Variants in BBS1 observed in about 807,000 individuals in gnomAD.
BBS1 encodes the protein BBSome complex member BBS1.
In BBS1, 60 loss-of-function variants were observed where a neutral mutation model predicts 73.9. The ratio of observed to expected loss-of-function variants is 0.81; its 90% CI spans 0.66 to 1.01. The LOEUF is 1.01. Ranked by LOEUF, BBS1 falls within the 50% of genes least tolerant of loss-of-function variation. The probability of loss-of-function intolerance (pLI) is 0.00; values close to 1 mark genes in which losing one functional copy is unlikely to be tolerated. For missense variants in BBS1, 718 were observed against 770.3 expected (o/e 0.93, Z 0.80); for synonymous variants, 283 against 317.4 (o/e 0.89, Z 1.15).
chr11:66,519,472 C>A (rs1285325344), intron 7 of BBS1, 145 bp from the exon 8 acceptor site: 2 of 1,156,046 alleles, frequency 1.7e-6, no homozygotes, highest in East Asian at 2.5e-5. Flanking sequence ...GCAATAAACA[C>A]CTTTGTACTT....
rs1005312838 is a variant in BBS1 at position 66,512,744 on chromosome 11, C to T, written c.159+1505C>T. 9.9e-5 allele frequency among the ~76,000 whole-genome samples: 15 copies of T among 151,966 alleles called. No individual in the cohort carries two copies. The South Asian group carries it at 2.1e-3, about 21-fold the overall frequency. ...CCAGCACTTTAGGAGGAGGCCAAGG[C>T]GGGTGGATCACGAGGTCAGGAGTTT... is the stretch of plus-strand genomic sequence containing the variant. On this transcript the variant is annotated intron_variant, in intron 3 of 16. Transcript: ENST00000318312.
At chr11:66,518,916 C>G (rs1376814138) in intron 7 of BBS1, among the ~76,000 whole-genome samples, 2 of 152,128 alleles carry the variant, frequency 1.3e-5, no homozygotes, top group East Asian at 3.8e-4. Flanking sequence ...TGCCATCGCA[C>G]CTGGCTGATT....
intron 11 of BBS1, 92 bp from the exon 12 acceptor site, chr11:66,526,031 A>T (rs893059030): frequency 1.7e-5 from 19 of 1,100,774 alleles, no homozygotes; most frequent in Admixed American, 7.0e-5. Flanking sequence ...ATCACTTCTC[A>T]CCTATTATAT....
chr11:66,515,334 A>C (rs1442709832), intron 4 of BBS1, among the ~76,000 whole-genome samples: 1 of 152,042 alleles, frequency 6.6e-6, no homozygotes, highest in African/African-American at 2.4e-5. Flanking sequence ...GAATTTGGGG[A>C]GGCATGGATT....
At chr11:66,531,506 C>T in intron 15 of BBS1, 150 bp from the exon 16 acceptor site, 1 of 1,032,650 alleles carries the variant, frequency 9.7e-7, no homozygotes, top group Non-Finnish European at 1.5e-6. Flanking sequence ...CACTTCCCCA[C>T]CACACCTGCA....
At chr11:66,512,485 T>G (rs1379721662) in intron 3 of BBS1, among the ~76,000 whole-genome samples, 1 of 152,172 alleles carries the variant, frequency 6.6e-6, no homozygotes, top group East Asian at 1.9e-4. Flanking sequence ...ATTCAGTAAT[T>G]CAGCAAGTGT....
intron 3 of BBS1, 88 bp from the exon 4 acceptor site, chr11:66,514,318 T>C: frequency 4.6e-6 from 7 of 1,530,032 alleles, no homozygotes; most frequent in South Asian, 2.2e-5. Context: ...CAGGAATGAA[T>C]GAATGTGCAC....
In BBS1 at chr11:66,532,619, T is replaced by G. The variant is rs910461408; in HGVS notation, c.*582T>G. 8.4e-5 allele frequency: 13 copies of G among 154,786 alleles called. No individual in the cohort carries two copies. The highest frequency in any genetic ancestry group is 7.6e-4 in the Admixed American group (12 of 15,882). 9.6% of individuals were successfully genotyped at this position (154,786 alleles called of 1,614,324 possible). A position where few individuals can be genotyped will look rare whatever the true frequency, so the allele number is the denominator to read the frequency against. ...AGCCCTCCTCTCCCCAGGAAACTTC[T>G]CTGAAATCTTAGACTTAGCCAGTCT... On this transcript the variant is annotated 3_prime_UTR_variant, in exon 17 of 17. Coordinates refer to ENST00000318312, the MANE Select transcript of BBS1 (RefSeq NM_024649.5).
chr11:66,513,911 G>A (rs1477955625), intron 3 of BBS1, among the ~76,000 whole-genome samples: 1 of 150,660 alleles, frequency 6.6e-6, no homozygotes, highest in Non-Finnish European at 1.5e-5. Flanking sequence ...CAGCTTGGAA[G>A]ATGGATTAGA....
At chr11:66,516,552 CTT>C (rs1321642001) in intron 7 of BBS1, among the ~76,000 whole-genome samples, 4 of 151,556 alleles carry the variant, frequency 2.6e-5, no homozygotes, top group Non-Finnish European at 5.9e-5. Context: ...TTTTTAATCT[CTT>C]TTGGGGAAGG....
chr11:66,519,814 A>G (rs1856147288), intron 8 of BBS1, 66 bp downstream of exon 8: 1 of 1,593,518 alleles, frequency 6.3e-7, no homozygotes, highest in Non-Finnish European at 8.6e-7. Context: ...CATGCTCCAC[A>G]GTTAGTTCTG....
chr11:66,530,818 G>A, intron 14 of BBS1, 76 bp from the exon 15 acceptor site: 1 of 1,595,896 alleles, frequency 6.3e-7, no homozygotes, highest in Non-Finnish European at 8.6e-7. Flanking sequence ...ATTGGTGGAA[G>A]GCAGGCAGAG....
chr11:66,526,341 C>A, intron 12 of BBS1, 149 bp downstream of exon 12: 1 of 870,370 alleles, frequency 1.1e-6, no homozygotes, highest in Non-Finnish European at 1.8e-6. Context: ...TGGAGCTAGG[C>A]CTCCACTGGG....
rs1218108420 is a variant in BBS1, at chr11:66,521,382, C to T, written c.830+6C>T. ...AACATCTATATTCTGAGAAGGTAGC[C>T]ACATCCGTGGTCTCCGGGGCCGGGA... On this transcript the variant is annotated splice_donor_region_variant and intron_variant, in intron 9 of 16. Coordinates refer to ENST00000318312, the MANE Select transcript of BBS1 (RefSeq NM_024649.5). The T allele has an allele frequency of 3.1e-6, 5 of 1,612,532 alleles. No homozygotes were observed. The highest frequency in any genetic ancestry group is 1.7e-6 in the Non-Finnish European group (2 of 1,178,572).
At chr11:66,518,039 C>T in intron 7 of BBS1, among the ~76,000 whole-genome samples, 1 of 150,514 alleles carries the variant, frequency 6.6e-6, no homozygotes, top group Non-Finnish European at 1.5e-5. Context: ...CTCATCGCAA[C>T]CTCCGCCTCC....
At chr11:66,514,347 A>G in intron 3 of BBS1, 59 bp from the exon 4 acceptor site, 1 of 1,600,784 alleles carries the variant, frequency 6.2e-7, no homozygotes, top group Non-Finnish European at 8.5e-7. Flanking sequence ...AGGCAAGAAG[A>G]GGGTCAGTGG....
At position 66,533,124 on chromosome 11, in the gene BBS1, C is replaced by T. The variant is rs1856849583; in HGVS notation, c.*1087C>T. 1 of 152,112 alleles carries T rather than the reference C, an allele frequency of 6.6e-6. No individual in the cohort carries two copies. The highest frequency in any genetic ancestry group is 2.4e-5 in the African/African-American group (1 of 41,406). The allele number at this position is 152,112 out of a possible 1,614,324, so 9.4% of individuals were successfully genotyped here. On this transcript the variant is annotated 3_prime_UTR_variant, in exon 17 of 17. Transcript: ENST00000318312. ...ACCTACCACTAAGAAATACATGAACCGTGCCATGAGGACAGTAAGTGTTCA... is the reference window on the plus strand; with the variant it reads ...ACCTACCACTAAGAAATACATGAACTGTGCCATGAGGACAGTAAGTGTTCA...
In BBS1 at chr11:66,532,335, G is replaced by A. The variant is rs560533318; in HGVS notation, c.*298G>A. 6.5e-5 allele frequency: 30 copies of A among 460,060 alleles called. No individual in the cohort carries two copies. The highest frequency in any genetic ancestry group is 2.7e-4 in the African/African-American group (14 of 51,118). The allele number at this position is 460,060 out of a possible 1,614,324, so 28.5% of individuals were successfully genotyped here. On this transcript the variant is annotated 3_prime_UTR_variant, in exon 17 of 17. Transcript: ENST00000318312. ...CATACTGGGCTCAGATCAGAGCTCC[G>A]AAGCGGTCAAAGTGAGCTGAGCAGG...
chr11:66,516,657 C>A (rs185301709), intron 7 of BBS1, among the ~76,000 whole-genome samples: 1 of 152,018 alleles, frequency 6.6e-6, no homozygotes, highest in Non-Finnish European at 1.5e-5. Flanking sequence ...TTCAAGTGAT[C>A]CTCCCCCTTC....
Sources: gnomAD v4.1 joint callset for allele counts (sites outside exome capture counted in the v4.1 genomes callset) on GRCh38, gnomAD v4.1.1 for gene constraint, MANE v1.5 for transcripts, NCBI Gene and HGNC (gene_info 2026-07-23, HGNC 2026-07-21) for gene names.